Variants in CEP63 observed in about 807,000 individuals in gnomAD.
The protein encoded by CEP63 is centrosomal protein of 63 kDa.
Under a neutral mutation model 89.1 loss-of-function variants are expected in CEP63, and 84 were observed. The ratio of observed to expected loss-of-function variants is 0.94; its 90% CI spans 0.79 to 1.13. The LOEUF (loss-of-function observed/expected upper bound fraction) is 1.13. CEP63 is among the 50% of genes most tolerant of loss of function. The probability of loss-of-function intolerance (pLI) is 0.00; values close to 1 mark genes in which losing one functional copy is unlikely to be tolerated. For synonymous variants in CEP63, 267 were observed against 272.5 expected (o/e 0.98, Z 0.20); for missense variants, 838 against 813.3 (o/e 1.03, Z -0.37).
At chr3:134,491,198 T>C (rs556330269) in intron 1 of CEP63, among the ~76,000 whole-genome samples, 108 of 152,362 alleles carry the variant, frequency 7.1e-4, no homozygotes, top group Non-Finnish European at 1.4e-3. Flanking sequence ...ATTATGTATA[T>C]GAGTGCCTGT....
the CEP63 span, among the ~76,000 whole-genome samples, chr3:134,636,688 G>A: frequency 6.6e-6 from 1 of 152,204 alleles, no homozygotes; most frequent in East Asian, 1.9e-4. Flanking sequence ...AGATTGGTGA[G>A]CTCGTAAATG....
At chr3:134,756,720 G>A in the CEP63 span, among the ~76,000 whole-genome samples, 1 of 152,158 alleles carries the variant, frequency 6.6e-6, no homozygotes, top group Non-Finnish European at 1.5e-5. Context: ...ATGGAGGGCT[G>A]CTATCTAATA....
exon 11 of CEP63, among the ~76,000 whole-genome samples, chr3:134,587,552 T>A (rs1179483005): frequency 6.6e-6 from 1 of 152,192 alleles, no homozygotes; most frequent in Non-Finnish European, 1.5e-5. Flanking sequence ...TATTGCTGCC[T>A]GATCCTTCCC....
intron 3 of CEP63, among the ~76,000 whole-genome samples, chr3:134,527,994 T>C (rs1016891871): frequency 1.3e-5 from 2 of 152,162 alleles, no homozygotes; most frequent in Non-Finnish European, 2.9e-5. Context: ...CTGGGCTCCA[T>C]ATCAGCTGGC....
In CEP63 at chr3:134,564,271, A is replaced by G; in HGVS notation, c.*2736A>G. 6.1e-6 allele frequency: 6 copies of G among 985,404 alleles called. No homozygotes were observed. Among genetic ancestry groups the G allele is most frequent in the Non-Finnish European group, 7.2e-6 (6 of 829,966 alleles). The allele number at this position is 985,404 out of a possible 1,614,324, so 61.0% of individuals were successfully genotyped here. On this transcript the variant is annotated 3_prime_UTR_variant, in exon 15 of 15. Transcript: ENST00000675561. ...GAAAATGCCATTCCTGAGGTGCACC[A>G]CATCGTTTCTTTTGTGTTGGTGTGC...
chr3:134,671,199 C>T, the CEP63 span, among the ~76,000 whole-genome samples: 1 of 152,192 alleles, frequency 6.6e-6, no homozygotes, highest in Non-Finnish European at 1.5e-5. Context: ...ATGGATGCAG[C>T]TGGAGTCCAT....
chr3:134,596,308 A>T, the CEP63 span, among the ~76,000 whole-genome samples: 40 of 152,268 alleles, frequency 2.6e-4, no homozygotes, highest in South Asian at 8.1e-3. Flanking sequence ...TCTAGTCAAG[A>T]CCAAGTCCTA....
At chr3:134,508,668 G>A (rs763593957) in intron 3 of CEP63, among the ~76,000 whole-genome samples, 9 of 152,216 alleles carry the variant, frequency 5.9e-5, no homozygotes, top group South Asian at 2.1e-4. Context: ...TTGACGCCAC[G>A]GGCATTGTTG....
chr3:134,713,770 TACTC>T, the CEP63 span, among the ~76,000 whole-genome samples: 3 of 152,242 alleles, frequency 2.0e-5, no homozygotes, highest in Non-Finnish European at 4.4e-5. Context: ...CTTCACCACT[TACTC>T]AGTAGGTGAA....
At chr3:134,629,726 C>T in the CEP63 span, 2 of 1,405,278 alleles carry the variant, frequency 1.4e-6, no homozygotes, top group Non-Finnish European at 9.9e-7. Context: ...ACATTCTCAA[C>T]CAGATGCTGC....
chr3:134,770,841 C>A, the CEP63 span, among the ~76,000 whole-genome samples: 1 of 152,152 alleles, frequency 6.6e-6, no homozygotes, highest in Non-Finnish European at 1.5e-5. Flanking sequence ...TCTCCTCTTG[C>A]GTCTGTTTTG....
At chr3:134,558,725 G>T (rs552897944) in intron 13 of CEP63, among the ~76,000 whole-genome samples, 1 of 152,270 alleles carries the variant, frequency 6.6e-6, no homozygotes, top group Non-Finnish European at 1.5e-5. Context: ...TAAGAAATAA[G>T]CATTCGGTGA....
the CEP63 span, among the ~76,000 whole-genome samples, chr3:134,640,794 T>C: frequency 6.6e-6 from 1 of 152,202 alleles, no homozygotes; most frequent in African/African-American, 2.4e-5. Flanking sequence ...ACTCCTCTCT[T>C]GTATACCCCA....
chr3:134,629,797 T>C, the CEP63 span: 1 of 739,452 alleles, frequency 1.4e-6, no homozygotes, highest in South Asian at 1.6e-5. Context: ...GTTTTAGAAC[T>C]TTCTTTTGTG....
intron 5 of CEP63, chr3:134,535,962 T>G (rs1333550938): frequency 6.6e-6 from 1 of 152,234 alleles, no homozygotes; most frequent in Non-Finnish European, 1.5e-5. Flanking sequence ...CCTTGTCTTC[T>G]CCTACTTTCC....
At chr3:134,610,254 C>T in the CEP63 span, 1 of 1,613,976 alleles carries the variant, frequency 6.2e-7, no homozygotes, top group Non-Finnish European at 8.5e-7. Context: ...TGCTGTCCAC[C>T]AGGTGCCATC....
chr3:134,768,238 G>A, the CEP63 span, among the ~76,000 whole-genome samples: 1 of 152,160 alleles, frequency 6.6e-6, no homozygotes, highest in Admixed American at 6.5e-5. Context: ...TCCTCGAGTG[G>A]CTGTGTATGG....
At chr3:134,506,594 A>C (rs975473651) in intron 2 of CEP63, among the ~76,000 whole-genome samples, 6 of 152,136 alleles carry the variant, frequency 3.9e-5, no homozygotes, top group African/African-American at 1.4e-4. Flanking sequence ...TATTCTGTGG[A>C]ATAAGTAATC....
At chr3:134,514,677 A>G (rs1559913471) in intron 3 of CEP63, among the ~76,000 whole-genome samples, 1 of 152,354 alleles carries the variant, frequency 6.6e-6, no homozygotes, top group East Asian at 1.9e-4. Flanking sequence ...CTACCAAACG[A>G]GAATTCTGTA....
Sources: allele counts gnomAD v4.1 joint callset (sites outside exome capture counted in the v4.1 genomes callset), GRCh38; gene constraint gnomAD v4.1.1; transcripts MANE v1.5; gene names NCBI Gene and HGNC (gene_info 2026-07-23, HGNC 2026-07-21).